The following SNAPC1 variants were observed in gnomAD, a reference collection of about 807,000 sequenced individuals.
The protein encoded by SNAPC1 is small nuclear RNA activating complex polypeptide 1, also known as snRNA-activating protein complex subunit 1.
A neutral mutation model predicts 50.1 loss-of-function variants in SNAPC1; 42 were observed. The ratio of observed to expected loss-of-function variants is 0.84; its 90% CI spans 0.65 to 1.08. The LOEUF (loss-of-function observed/expected upper bound fraction) is 1.08, where lower values mean the gene tolerates loss of function less well. SNAPC1 is among the 50% of genes least tolerant of loss of function. SNAPC1 has a pLI of 0.00. For missense variants in SNAPC1, 477 were observed against 427.3 expected (o/e 1.12, Z -1.02); for synonymous variants, 164 against 144.2 (o/e 1.14, Z -0.98).
chr14:61,795,449 A>G lies in SNAPC1; in HGVS notation c.*466A>G, dbSNP rs188672517. On this transcript the variant is annotated 3_prime_UTR_variant, in exon 10 of 10. Coordinates refer to ENST00000216294, the MANE Select transcript of SNAPC1 (RefSeq NM_003082.4). ...TATTTTGTATATTGTTAAGTGCAAT[A>G]AAGTTTTTGCCTTGCTTTATTTTTT... The G allele has an allele frequency of 1.3e-5, 2 of 152,598 alleles. No individual in the cohort carries two copies. The highest frequency in any genetic ancestry group is 1.9e-4 in the East Asian group (1 of 5,190). 9.5% of individuals were successfully genotyped at this position (152,598 alleles called of 1,614,324 possible). A position where few individuals can be genotyped will look rare whatever the true frequency, so the allele number is the denominator to read the frequency against.
intron 9 of SNAPC1, among the ~76,000 whole-genome samples, chr14:61,793,577 A>C (rs1467029174): frequency 6.9e-6 from 1 of 144,770 alleles, no homozygotes; most frequent in Non-Finnish European, 1.5e-5. Flanking sequence ...TGTTTTTTTT[A>C]CTTGTCTTTT....
chr14:61,768,977 G>A (rs1353093377), intron 4 of SNAPC1, among the ~76,000 whole-genome samples: 1 of 152,150 alleles, frequency 6.6e-6, no homozygotes, highest in African/African-American at 2.4e-5. Context: ...AAGATGTGTG[G>A]ATTCTGTTAC....
chr14:61,768,822 T>C (rs2044967614), intron 4 of SNAPC1, 82 bp downstream of exon 4: 2 of 671,638 alleles, frequency 3.0e-6, no homozygotes, highest in South Asian at 3.7e-5. Context: ...CTTCATCTAC[T>C]GGATACTGAT....
At chr14:61,781,867 G>A (rs1338059298) in intron 7 of SNAPC1, among the ~76,000 whole-genome samples, 1 of 152,214 alleles carries the variant, frequency 6.6e-6, no homozygotes, top group African/African-American at 2.4e-5. Context: ...CCAGATCTGG[G>A]CCACATGGCC....
rs564491700 is a variant in SNAPC1 at position 61,778,754 on chromosome 14, A to G, written c.763-94A>G. On this transcript the variant is annotated intron_variant, in intron 6 of 9. Transcript: ENST00000216294. ...TTTCTTTTACCCTACATTGTGTCTG[A>G]AATCTTATTTCTGATAATAAATACT... 21 of 791,204 alleles carry G rather than the reference A, an allele frequency of 2.7e-5. No homozygotes were observed. In the East Asian group the frequency reaches 5.1e-4, roughly 19 times the overall value. 49.0% of individuals were successfully genotyped at this position (791,204 alleles called of 1,614,324 possible).
chr14:61,777,847 G>C (rs2045046115), intron 5 of SNAPC1, among the ~76,000 whole-genome samples: 1 of 152,140 alleles, frequency 6.6e-6, no homozygotes, highest in East Asian at 1.9e-4. Context: ...ACCACATAAA[G>C]ACTACCACAT....
At position 61,777,311 on chromosome 14, in the gene SNAPC1, C is replaced by G. The variant is rs7156314; in HGVS notation, c.694-761C>G. On this transcript the variant is annotated intron_variant, in intron 5 of 9. Transcript: ENST00000216294. ...TAGCAAGTTCTAGAATGTTTGGATA[C>G]TTTAAGTCCTACAAATAGGTTACAC... 2.7e-3 allele frequency among the ~76,000 whole-genome samples: 405 copies of G among 152,276 alleles called. 3 individuals carry two copies. The highest frequency in any genetic ancestry group is 9.5e-3 in the African/African-American group (395 of 41,574).
intron 8 of SNAPC1, among the ~76,000 whole-genome samples, chr14:61,784,883 C>T (rs1305015663): frequency 6.6e-6 from 1 of 151,956 alleles, no homozygotes; most frequent in Admixed American, 6.6e-5. Context: ...GGAGATATGA[C>T]ATCAGAAAGA....
chr14:61,795,508 GATAAC>G lies in SNAPC1; in HGVS notation c.*526_*530del, dbSNP rs927486340. ...AAACTTACATTCTCATAACGTGATT[GATAAC>G]TTAGGAAGTTCACAATGTATTTTCT... On this transcript the variant is annotated 3_prime_UTR_variant, in exon 10 of 10. Coordinates refer to ENST00000216294, the MANE Select transcript of SNAPC1 (RefSeq NM_003082.4). The G allele has an allele frequency of 1.4e-5, 2 of 144,158 alleles. No homozygotes were observed. Among genetic ancestry groups the G allele is most frequent in the African/African-American group, 5.3e-5 (2 of 37,514 alleles). 8.9% of individuals were successfully genotyped at this position (144,158 alleles called of 1,614,324 possible).
chr14:61,766,395 T>C (rs1346074438), intron 1 of SNAPC1, among the ~76,000 whole-genome samples: 2 of 152,242 alleles, frequency 1.3e-5, no homozygotes, highest in Admixed American at 1.3e-4. Context: ...AAGTTATAAA[T>C]GACCCTGTCT....
In SNAPC1 at chr14:61,767,317, G is replaced by A; in HGVS notation, c.394G>A (p.Asp132Asn). Residue 132 changes from aspartate (D) to asparagine (N), a missense_variant, in exon 3 of 10, where the codon GAC (aspartate) becomes AAC (asparagine). Coordinates refer to ENST00000216294, the MANE Select transcript of SNAPC1 (RefSeq NM_003082.4). ...TTATATTTTTAGGAAGCTACGACTA[G>A]ACAGAGCATTTCACTTTACAGCAAT... Reference protein sequence around the residue: ...AAYIFRKLRLDRAFHFTAMPK... With the variant: ...AAYIFRKLRLNRAFHFTAMPK... 2 of 1,511,528 alleles carry A rather than the reference G, an allele frequency of 1.3e-6. No individual in the cohort carries two copies. Among genetic ancestry groups the A allele is most frequent in the South Asian group, 1.4e-5 (1 of 74,062 alleles). 93.6% of individuals were successfully genotyped at this position (1,511,528 alleles called of 1,614,324 possible).
chr14:61,768,510 C>T, intron 3 of SNAPC1, 126 bp from the exon 4 acceptor site: 2 of 572,180 alleles, frequency 3.5e-6, no homozygotes, highest in South Asian at 4.8e-5. Context: ...CAGATGTACC[C>T]TTACAGCTGG....
rs1468078395 is a variant in SNAPC1 at position 61,786,122 on chromosome 14, CCTTAT to C, written c.976+3732_976+3736del. 5.3e-5 allele frequency among the ~76,000 whole-genome samples: 8 copies of C among 152,144 alleles called. No homozygotes were observed. The East Asian group carries it at 1.5e-3, about 29-fold the overall frequency. On this transcript the variant is annotated intron_variant, in intron 8 of 9. Transcript: ENST00000216294. Reference sequence around the variant, plus strand: ...CAAGAAAGAACTAAAGACCAATATCCCTTATCTTATCCAAAAAAAAATTCAAAATG... The same window carrying C: ...CAAGAAAGAACTAAAGACCAATATCCCTTATCCAAAAAAAAATTCAAAATG...
chr14:61,783,316 C>T (rs1484784604), intron 8 of SNAPC1, among the ~76,000 whole-genome samples: 2 of 151,862 alleles, frequency 1.3e-5, no homozygotes, highest in Admixed American at 6.6e-5. Flanking sequence ...CAGGTATGAG[C>T]CACCGCACGC....
At chr14:61,781,688 C>T (rs2045074565) in intron 7 of SNAPC1, among the ~76,000 whole-genome samples, 1 of 152,226 alleles carries the variant, frequency 6.6e-6, no homozygotes, top group Non-Finnish European at 1.5e-5. Context: ...TCCAGCCTTG[C>T]ATGTTCCCAG....
chr14:61,768,966 G>A, intron 4 of SNAPC1, among the ~76,000 whole-genome samples: 1 of 152,198 alleles, frequency 6.6e-6, no homozygotes, highest in East Asian at 1.9e-4. Context: ...GACCTGGACT[G>A]AAGATGTGTG....
rs1460243856 is a variant in SNAPC1 at position 61,792,924 on chromosome 14, A to T, written c.1072+22A>T. 5 of 1,301,136 alleles carry T rather than the reference A, an allele frequency of 3.8e-6. No individual in the cohort carries two copies. In the East Asian group the frequency reaches 1.2e-4, roughly 31 times the overall value. 80.6% of individuals were successfully genotyped at this position (1,301,136 alleles called of 1,614,324 possible). A position where few individuals can be genotyped will look rare whatever the true frequency, so the allele number is the denominator to read the frequency against. On this transcript the variant is annotated intron_variant, in intron 9 of 9. Transcript: ENST00000216294. ...ACAGGTACAGATAAAATTTGGTCAA[A>T]CTAGTCAAGTAAACTAACTTATACT...
intron 4 of SNAPC1, among the ~76,000 whole-genome samples, chr14:61,768,980 T>A (rs1245679419): frequency 6.6e-6 from 1 of 152,216 alleles, no homozygotes; most frequent in Non-Finnish European, 1.5e-5. Flanking sequence ...ATGTGTGGAT[T>A]CTGTTACTAA....
chr14:61,795,944 T>G lies in SNAPC1; in HGVS notation c.*961T>G, dbSNP rs1172366561. ...CCTGGGCTCAAGCTATCCTCCTGCC[T>G]CAGCCTCCCAAAGTACTGGGATTAT... On this transcript the variant is annotated 3_prime_UTR_variant, in exon 10 of 10. Coordinates refer to ENST00000216294, the MANE Select transcript of SNAPC1 (RefSeq NM_003082.4). The G allele has an allele frequency of 6.6e-6, 1 of 151,968 alleles. No individual in the cohort carries two copies. Among genetic ancestry groups the G allele is most frequent in the East Asian group, 1.9e-4 (1 of 5,166 alleles). 9.4% of individuals were successfully genotyped at this position (151,968 alleles called of 1,614,324 possible).
Sources: allele counts gnomAD v4.1 joint callset (sites outside exome capture counted in the v4.1 genomes callset), GRCh38; gene constraint gnomAD v4.1.1; transcripts MANE v1.5; gene names NCBI Gene and HGNC (gene_info 2026-07-23, HGNC 2026-07-21).